MCU: variants seen among roughly 807,000 people sequenced by gnomAD.
MCU encodes calcium uniporter protein, mitochondrial.
MCU carries 12 observed loss-of-function variants against 45.2 expected under a neutral mutation model. That is an observed-to-expected ratio of 0.27 (90% CI 0.17 to 0.43). The LOEUF (loss-of-function observed/expected upper bound fraction) is 0.43, where lower values mean the gene tolerates loss of function less well. Among genes scored for constraint, MCU ranks in the 20% least tolerant of loss-of-function variants. MCU has a pLI of 1.00. For synonymous variants in MCU, 160 were observed against 165.1 expected, an observed-to-expected ratio of 0.97 and a Z score of 0.24; for missense variants, 324 against 436.7, an observed-to-expected ratio of 0.74 and a Z score of 2.30.
chr10:72,696,527 C>G (rs551719613), intron 1 of MCU, among the ~76,000 whole-genome samples: 2 of 152,218 alleles, frequency 1.3e-5, no homozygotes, highest in East Asian at 3.9e-4. Flanking sequence ...TAACCCTTTT[C>G]TATTGTTGTC....
At chr10:72,710,198 G>C (rs1164497077) in intron 1 of MCU, among the ~76,000 whole-genome samples, 4 of 152,076 alleles carry the variant, frequency 2.6e-5, no homozygotes, top group Non-Finnish European at 5.9e-5. Context: ...GGATGGTCTT[G>C]ATCTCCTGAC....
At chr10:72,753,064 C>T (rs1437901741) in intron 1 of MCU, among the ~76,000 whole-genome samples, 3 of 152,124 alleles carry the variant, frequency 2.0e-5, no homozygotes, top group Non-Finnish European at 4.4e-5. Context: ...GTTGTGGTGA[C>T]TTTTTAAAAA....
At chr10:72,799,925 T>G (rs1341013207) in intron 1 of MCU, among the ~76,000 whole-genome samples, 1 of 152,232 alleles carries the variant, frequency 6.6e-6, no homozygotes, top group African/African-American at 2.4e-5. Context: ...TTACAGTTCC[T>G]ATTATTTCAT....
Position 72,739,614 on chromosome 10 carries a change from C to T in MCU, c.150+47313C>T, listed in dbSNP as rs996392651. Among the ~76,000 whole-genome samples, 15 of 152,124 alleles carry T rather than the reference C, an allele frequency of 9.9e-5. No individual in the cohort carries two copies. In the East Asian group the frequency reaches 1.9e-3, roughly 20 times the overall value. ...AAAGTCTGACTTTTTCCAGGGGTAC[C>T]GCTTTAGGGGTATGTGATTATTCAG... is the stretch of plus-strand genomic sequence containing the variant. On this transcript the variant is annotated intron_variant, in intron 1 of 7. Coordinates refer to ENST00000373053, the MANE Select transcript of MCU (RefSeq NM_138357.3).
chr10:72,745,394 G>T (rs113840585), intron 1 of MCU, among the ~76,000 whole-genome samples: 5,137 of 152,038 alleles, frequency 0.034, 294 homozygotes, highest in African/African-American at 0.12. Flanking sequence ...ACACCGGCTG[G>T]TTTTTTCTAT....
chr10:72,765,786 C>CA (rs36071651), intron 1 of MCU, among the ~76,000 whole-genome samples: 3,956 of 62,536 alleles, frequency 0.063, 94 homozygotes, highest in Non-Finnish European at 0.085. Context: ...GACGCTGTCT[C>CA]AAAAAAAAAA....
intron 6 of MCU, among the ~76,000 whole-genome samples, chr10:72,883,722 C>A (rs1472272321): frequency 6.6e-6 from 1 of 152,140 alleles, no homozygotes; most frequent in Non-Finnish European, 1.5e-5. Flanking sequence ...ATGATGAAGT[C>A]ACACAATATA....
At chr10:72,716,142 A>T (rs190197831) in intron 1 of MCU, among the ~76,000 whole-genome samples, 1 of 152,250 alleles carries the variant, frequency 6.6e-6, no homozygotes, top group Non-Finnish European at 1.5e-5. Flanking sequence ...CCCTGGCACT[A>T]TAAGGACAGA....
intron 6 of MCU, among the ~76,000 whole-genome samples, chr10:72,881,549 A>C (rs1589512398): frequency 6.6e-6 from 1 of 152,304 alleles, no homozygotes; most frequent in East Asian, 1.9e-4. Flanking sequence ...GACTACATTA[A>C]ATTAATATCT....
chr10:72,871,727 G>A, intron 6 of MCU, 147 bp downstream of exon 6: 1 of 669,662 alleles, frequency 1.5e-6, no homozygotes, highest in Admixed American at 2.5e-5. Flanking sequence ...TGTGTATTAG[G>A]CAATATTCTA....
intron 6 of MCU, among the ~76,000 whole-genome samples, chr10:72,875,944 G>A (rs1694140115): frequency 1.3e-5 from 2 of 152,174 alleles, no homozygotes; most frequent in South Asian, 4.1e-4. Context: ...GATTCTTGGG[G>A]AGTAAAAACA....
At chr10:72,755,597 A>C (rs1444372525) in intron 1 of MCU, among the ~76,000 whole-genome samples, 1 of 152,244 alleles carries the variant, frequency 6.6e-6, no homozygotes, top group Non-Finnish European at 1.5e-5. Context: ...TAAATATAGT[A>C]AATACATTAA....
intron 1 of MCU, among the ~76,000 whole-genome samples, chr10:72,718,198 G>A (rs1842977367): frequency 6.6e-6 from 1 of 152,170 alleles, no homozygotes; most frequent in Non-Finnish European, 1.5e-5. Context: ...ATTTCCAAGA[G>A]TCTATTTAAA....
At chr10:72,752,031 G>A (rs1265643214) in intron 1 of MCU, among the ~76,000 whole-genome samples, 1 of 151,670 alleles carries the variant, frequency 6.6e-6, no homozygotes, top group Non-Finnish European at 1.5e-5. Context: ...AATAGAGACG[G>A]GGTTTCACCA....
chr10:72,809,819 G>A (rs1287603145), intron 1 of MCU, among the ~76,000 whole-genome samples: 1 of 152,162 alleles, frequency 6.6e-6, no homozygotes, highest in East Asian at 1.9e-4. Flanking sequence ...AGACATAGAA[G>A]TGGTCAAAGA....
chr10:72,768,133 A>C (rs570704264), intron 1 of MCU, among the ~76,000 whole-genome samples: 67 of 152,286 alleles, frequency 4.4e-4, no homozygotes, highest in African/African-American at 1.6e-3. Flanking sequence ...AAAAAAACAA[A>C]CAAAAGACTT....
At chr10:72,805,105 T>TTCTTTCTTTCTTTC (rs1844415874) in intron 1 of MCU, among the ~76,000 whole-genome samples, 2 of 91,522 alleles carry the variant, frequency 2.2e-5, no homozygotes, top group Non-Finnish European at 4.2e-5. Flanking sequence ...TTCTTTCTCT[T>TTCTTTCTTTCTTTC]TCTTTCTTTC....
At position 72,835,443 on chromosome 10, in the gene MCU, G is replaced by A. The variant is rs771706757; in HGVS notation, c.220+1015G>A. Among the ~76,000 whole-genome samples the A allele has an allele frequency of 6.6e-5, 10 of 152,218 alleles. No homozygotes were observed. The East Asian group carries it at 1.2e-3, about 18-fold the overall frequency. ...ATTTCAACCTTAGAAACATTAATTCGTAAGCATAACAACCACTGAAAGAGC... is the reference window on the plus strand; with the variant it reads ...ATTTCAACCTTAGAAACATTAATTCATAAGCATAACAACCACTGAAAGAGC... On this transcript the variant is annotated intron_variant, in intron 2 of 7. Coordinates refer to ENST00000373053, the MANE Select transcript of MCU (RefSeq NM_138357.3).
At chr10:72,815,331 C>T (rs2132808389) in intron 1 of MCU, among the ~76,000 whole-genome samples, 1 of 152,240 alleles carries the variant, frequency 6.6e-6, no homozygotes, top group South Asian at 2.1e-4. Context: ...ACAAATGGAA[C>T]TGAAGTAATA....
Sources: allele counts gnomAD v4.1 joint callset (sites outside exome capture counted in the v4.1 genomes callset), GRCh38; gene constraint gnomAD v4.1.1; transcripts MANE v1.5; gene names NCBI Gene and HGNC (gene_info 2026-07-23, HGNC 2026-07-21).